QRICH2: variants seen among roughly 807,000 people sequenced by gnomAD.
QRICH2 encodes glutamine-rich protein 2.
In QRICH2, 119 loss-of-function variants were observed where a neutral mutation model predicts 168.3. The observed-to-expected ratio is 0.71, with a 90% CI of 0.61 to 0.82. The LOEUF (loss-of-function observed/expected upper bound fraction) is 0.82. QRICH2 is among the 40% of genes least tolerant of loss of function. The pLI, the probability that QRICH2 is intolerant of heterozygous loss-of-function variation, is 0.00. For synonymous variants in QRICH2, 894 were observed against 951.2 expected, an observed-to-expected ratio of 0.94 and a Z score of 1.11; for missense variants, 2,241 against 2,491.6, an observed-to-expected ratio of 0.90 and a Z score of 2.14.
chr17:76,288,004 CA>C, intron 5 of QRICH2, 107 bp from the exon 6 acceptor site: 1 of 808,754 alleles, frequency 1.2e-6, no homozygotes, highest in Non-Finnish European at 2.1e-6. Context: ...TCTACTAACC[CA>C]ACCCCCTCCG....
In QRICH2 at chr17:76,280,637, T is replaced by G. The variant is rs752459681; in HGVS notation, c.4461+17A>C. The G allele has an allele frequency of 3.1e-6, 5 of 1,613,884 alleles. No individual in the cohort carries two copies. The African/African-American group carries it at 5.3e-5, about 17-fold the overall frequency. ...CCGCCCTGGGACACAGCGTGGCTCC[T>G]GGGGCCTGGCACCCACCACATCGAT... On this transcript the variant is annotated intron_variant, in intron 10 of 18. Coordinates refer to ENST00000680821, the MANE Select transcript of QRICH2 (RefSeq NM_001388453.1). This position sits in a 1 kb window ranked among gnomAD's most constrained non-coding sequence, Gnocchi z 7.4.
rs2143425946 is a variant in QRICH2 at position 76,308,171 on chromosome 17, C to T, written c.-173G>A. On this transcript the variant is annotated 5_prime_UTR_variant, in exon 1 of 19. Transcript: ENST00000680821. ...CCTGCCTCCAGGGAATCTGCGCCTC[C>T]GCTCCCCGGCGGGGTCCGCGATGGC... 3 of 985,424 alleles carry T rather than the reference C, an allele frequency of 3.0e-6. No individual in the cohort carries two copies. The highest frequency in any genetic ancestry group is 3.6e-6 in the Non-Finnish European group (3 of 829,906). 61.0% of individuals were successfully genotyped at this position (985,424 alleles called of 1,614,324 possible).
At chr17:76,304,575 G>A (rs939171831) in intron 2 of QRICH2, 50 bp from the exon 3 acceptor site, 6 of 1,333,566 alleles carry the variant, frequency 4.5e-6, no homozygotes, top group Non-Finnish European at 6.4e-6. Flanking sequence ...TTAATCCCAA[G>A]CAGCTTTAGG....
At chr17:76,278,231 C>T (rs201049816) in intron 14 of QRICH2, 42 bp from the exon 15 acceptor site, 58 of 1,586,632 alleles carry the variant, frequency 3.7e-5, no homozygotes, top group African/African-American at 2.7e-4. Context: ...TGGCCCATGG[C>T]GGGGGCCTTG....
Position 76,307,927 on chromosome 17 carries a change from G to T in QRICH2, c.72C>A (p.Ala24=). Residue 24 remains alanine, a synonymous_variant, in exon 1 of 19, where the codon GCC becomes GCA. Transcript: ENST00000680821. The surrounding 1 kb of genome is among the most constrained non-coding windows in gnomAD (Gnocchi z 5.3). The part of the protein sequence containing the change: ...DLSIGTPEVG[A]VNFTALHTLI... ...GCGTGTGCAGGGCCGTGAAGTTGAC[G>T]GCGCCCACCTCTGGCGTGCCGATGG... 1.6e-6 allele frequency: 2 copies of T among 1,237,190 alleles called. No homozygotes were observed. The highest frequency in any genetic ancestry group is 2.0e-6 in the Non-Finnish European group (2 of 990,848). The allele number at this position is 1,237,190 out of a possible 1,614,324, so 76.6% of individuals were successfully genotyped here. A position where few individuals can be genotyped will look rare whatever the true frequency, so the allele number is the denominator to read the frequency against.
In QRICH2 at chr17:76,308,135, T is replaced by C; in HGVS notation, c.-137A>G. 2 of 1,182,212 alleles carry C rather than the reference T, an allele frequency of 1.7e-6. No individual in the cohort carries two copies. Among genetic ancestry groups the C allele is most frequent in the Non-Finnish European group, 2.1e-6 (2 of 962,830 alleles). 73.2% of individuals were successfully genotyped at this position (1,182,212 alleles called of 1,614,324 possible). A position where few individuals can be genotyped will look rare whatever the true frequency, so the allele number is the denominator to read the frequency against. On this transcript the variant is annotated 5_prime_UTR_variant, in exon 1 of 19. Transcript: ENST00000680821. ...CCTGCCCCGGGTCCGGCCGAGTCAC[T>C]GGACAGAGCTCCTGCCTCCAGGGAA...
At chr17:76,308,554 G>GTGGCCCCATGTCTA, upstream of QRICH2, 1 of 919,594 alleles carries the variant, frequency 1.1e-6, no homozygotes, top group Non-Finnish European at 1.3e-6. Flanking sequence ...TTCCAGAGTG[G>GTGGCCCCATGTCTA]TGGCCCCATG....
chr17:76,296,838 C>T (rs1276353286), intron 3 of QRICH2, among the ~76,000 whole-genome samples: 8 of 151,670 alleles, frequency 5.3e-5, no homozygotes, highest in South Asian at 2.1e-4. Context: ...CCCACTCCCA[C>T]TCCAGAGGTC....
At position 76,280,369 on chromosome 17, in the gene QRICH2, T is replaced by C; in HGVS notation, c.4544A>G (p.Gln1515Arg). Reference protein sequence around the residue: ...ATTEQLNHMMQELVAKMSGQE... With the variant: ...ATTEQLNHMMRELVAKMSGQE... Reference sequence around the variant, plus strand: ...CCCGCTCATCTTGGCCACCAGCTCCTGCATCATGTGGTTCAGCTGCTCCGT... The same window carrying C: ...CCCGCTCATCTTGGCCACCAGCTCCCGCATCATGTGGTTCAGCTGCTCCGT... The change falls in exon 11 of 19, where the codon CAG (glutamine) becomes CGG (arginine). Residue 1515 changes from glutamine (Q) to arginine (R), a missense_variant. Coordinates refer to ENST00000680821, the MANE Select transcript of QRICH2 (RefSeq NM_001388453.1). The surrounding 1 kb of genome is among the most constrained non-coding windows in gnomAD (Gnocchi z 7.4). 1 of 1,614,214 alleles carries C rather than the reference T, an allele frequency of 6.2e-7. No homozygotes were observed. The highest frequency in any genetic ancestry group is 8.5e-7 in the Non-Finnish European group (1 of 1,180,034).
intron 3 of QRICH2, among the ~76,000 whole-genome samples, chr17:76,296,049 C>A (rs948731998): frequency 2.0e-5 from 3 of 152,070 alleles, no homozygotes; most frequent in Non-Finnish European, 2.9e-5. Context: ...ATGGTGAAAC[C>A]CCGTCTCTAC....
At position 76,292,972 on chromosome 17, in the gene QRICH2, T is replaced by C; in HGVS notation, c.1755A>G (p.Ala585=). ...CAGGTTGGACCAAGCCAGGCTGATATGCACCACGCTGCACCAAAGCACGCT... is the reference window on the plus strand; with the variant it reads ...CAGGTTGGACCAAGCCAGGCTGATACGCACCACGCTGCACCAAAGCACGCT... ...RFQRALVQRG[A]YQPGLVQPGA... Residue 585 remains alanine (A), a synonymous_variant, in exon 4 of 19, where the codon GCA becomes GCG. Transcript: ENST00000680821. 6.2e-7 allele frequency: 1 copy of C among 1,614,160 alleles called. No individual in the cohort carries two copies. Among genetic ancestry groups the C allele is most frequent in the Non-Finnish European group, 8.5e-7 (1 of 1,180,034 alleles).
Position 76,308,100 on chromosome 17 carries a change from T to C in QRICH2, c.-102A>G. 1 of 1,222,044 alleles carries C rather than the reference T, an allele frequency of 8.2e-7. No homozygotes were observed. Among genetic ancestry groups the C allele is most frequent in the South Asian group, 4.2e-5 (1 of 23,600 alleles). The allele number at this position is 1,222,044 out of a possible 1,614,324, so 75.7% of individuals were successfully genotyped here. ...GCCTTTCGGGGGCCCTGCGAGGTCCTCGGGGCGCCCCTGCCCCGGGTCCGG... is the reference window on the plus strand; with the variant it reads ...GCCTTTCGGGGGCCCTGCGAGGTCCCCGGGGCGCCCCTGCCCCGGGTCCGG... On this transcript the variant is annotated 5_prime_UTR_variant, in exon 1 of 19. Coordinates refer to ENST00000680821, the MANE Select transcript of QRICH2 (RefSeq NM_001388453.1).
chr17:76,279,494 C>T, intron 12 of QRICH2, 66 bp from the exon 13 acceptor site: 2 of 1,298,970 alleles, frequency 1.5e-6, no homozygotes, highest in Non-Finnish European at 1.1e-6. Flanking sequence ...GGGCTTGGGG[C>T]TCTGCAGGCC....
chr17:76,275,282 T>A (rs990119862), intron 18 of QRICH2, among the ~76,000 whole-genome samples: 1 of 152,124 alleles, frequency 6.6e-6, no homozygotes, highest in Non-Finnish European at 1.5e-5. Context: ...AGAGCCCTTG[T>A]CAAGAGTGAC....
In QRICH2 at chr17:76,287,088, A is replaced by ACACG. The variant is rs71161276; in HGVS notation, c.4011+103_4011+104insCGTG. The ACACG allele has an allele frequency of 1.1e-4, 38 of 331,962 alleles. 1 individual carries two copies. In the African/African-American group the frequency reaches 3.7e-3, roughly 33 times the overall value. The allele number at this position is 331,962 out of a possible 1,614,324, so 20.6% of individuals were successfully genotyped here. On this transcript the variant is annotated intron_variant, in intron 7 of 18. Transcript: ENST00000680821. ...CACACACACACACACACACACACAC[A>ACACG]TGATGGGAGGGACCTAGTTTTTGAT... is the stretch of plus-strand genomic sequence containing the variant.
In QRICH2 at chr17:76,291,247, G is replaced by C; in HGVS notation, c.3480C>G (p.Ser1160=). 2 of 1,614,164 alleles carry C rather than the reference G, an allele frequency of 1.2e-6. No homozygotes were observed. The highest frequency in any genetic ancestry group is 1.7e-6 in the Non-Finnish European group (2 of 1,180,036). Residue 1160 remains serine, a synonymous_variant, in exon 4 of 19, where the codon TCC becomes TCG. Transcript: ENST00000680821. ...QDVTLFRSPD[S]VDRVLSEGSE... is the part of the protein sequence containing the mutation. Reference sequence around the variant, plus strand: ...TCCCTTCTGATAAGACTCGGTCGACGGAGTCTGGACTCCTGAAAAGAGTGA... The same window carrying C: ...TCCCTTCTGATAAGACTCGGTCGACCGAGTCTGGACTCCTGAAAAGAGTGA...
chr17:76,291,831 T>C lies in QRICH2; in HGVS notation c.2896A>G (p.Met966Val), dbSNP rs747826879. 5 of 1,613,946 alleles carry C rather than the reference T, an allele frequency of 3.1e-6. No individual in the cohort carries two copies. The Admixed American group carries it at 8.3e-5, about 27-fold the overall frequency. ...GGTTGTCTCAAACCATACTGATCCA[T>C]TCCTGGCTGCACCAGACCACGTGGA... ...TYPRGLVQPGMDQYGLRQPGA... is the reference protein window; with the variant it reads ...TYPRGLVQPGVDQYGLRQPGA... The change falls in exon 4 of 19, where the codon ATG becomes GTG. Residue 966 changes from methionine to valine, a missense_variant. Met to Val is a conservative substitution (Grantham distance 21, BLOSUM62 1). Around this residue, in one of 3 missense-constraint regions of QRICH2, gnomAD observed 2,047 missense variants for 2,303.8 expected, o/e 0.89. Transcript: ENST00000680821.
At chr17:76,288,048 C>T (rs188680576) in intron 5 of QRICH2, 151 bp from the exon 6 acceptor site, 17 of 643,160 alleles carry the variant, frequency 2.6e-5, no homozygotes, top group Middle Eastern at 3.9e-4. Context: ...GACATCCATC[C>T]GCCCATTCAT....
At chr17:76,288,836 G>A (rs1308393938) in intron 5 of QRICH2, among the ~76,000 whole-genome samples, 2 of 152,122 alleles carry the variant, frequency 1.3e-5, no homozygotes, top group African/African-American at 4.8e-5. Flanking sequence ...CGGGTGTGGT[G>A]GCTCACGCCT....
Sources: allele counts gnomAD v4.1 joint callset (sites outside exome capture counted in the v4.1 genomes callset), GRCh38; gene constraint gnomAD v4.1.1; regional missense constraint gnomAD v4.1.1; non-coding constraint Gnocchi (gnomAD v3.1); transcripts MANE v1.5; gene names NCBI Gene and HGNC (gene_info 2026-07-23, HGNC 2026-07-21).